Variants in KCTD8 observed in about 807,000 individuals in gnomAD.
KCTD8 encodes potassium channel tetramerization domain containing 8.
In KCTD8, 27 loss-of-function variants were observed where a neutral mutation model predicts 31.5. That is an observed-to-expected ratio of 0.86 (90% CI 0.63 to 1.18). The LOEUF (loss-of-function observed/expected upper bound fraction) is 1.18, where lower values mean the gene tolerates loss of function less well. Ranked by LOEUF, KCTD8 falls within the 50% of genes most tolerant of loss-of-function variation. The pLI is 0.00. For synonymous variants in KCTD8, 290 were observed against 280.0 expected, an observed-to-expected ratio of 1.04 and a Z score of -0.36; for missense variants, 658 against 647.7, an observed-to-expected ratio of 1.02 and a Z score of -0.17.
rs191116080 is a variant in KCTD8 at position 44,225,796 on chromosome 4, C to T, written c.962-50546G>A. ...TGGTGGTTTGCTGCACCTATCAACCCGTCACCTAGGTTTTGTCTCTTTTTT... is the reference window on the plus strand; with the variant it reads ...TGGTGGTTTGCTGCACCTATCAACCTGTCACCTAGGTTTTGTCTCTTTTTT... On this transcript the variant is annotated intron_variant, in intron 1 of 1. Transcript: ENST00000360029. Among the ~76,000 whole-genome samples the T allele has an allele frequency of 9.4e-5, 14 of 149,122 alleles. No individual in the cohort carries two copies. The East Asian group carries it at 2.5e-3, about 27-fold the overall frequency.
At chr4:44,179,233 T>C (rs948712479) in intron 1 of KCTD8, among the ~76,000 whole-genome samples, 1 of 151,992 alleles carries the variant, frequency 6.6e-6, no homozygotes, top group Non-Finnish European at 1.5e-5. Flanking sequence ...TTCTCCTCCC[T>C]CTTGTCTTTC....
chr4:44,407,482 GT>G (rs1444661921), intron 1 of KCTD8, among the ~76,000 whole-genome samples: 1 of 151,470 alleles, frequency 6.6e-6, no homozygotes, highest in Non-Finnish European at 1.5e-5. Context: ...CACCTCCCAG[GT>G]TCAAGAGATT....
chr4:44,429,748 T>G (rs955857022), intron 1 of KCTD8, among the ~76,000 whole-genome samples: 1 of 151,630 alleles, frequency 6.6e-6, no homozygotes, highest in African/African-American at 2.4e-5. Context: ...ATAAAAGGAA[T>G]AATCATTAAT....
chr4:44,225,815 C>CTTTTTTTTTTTTTTT (rs35751540), intron 1 of KCTD8, among the ~76,000 whole-genome samples: 1 of 74,450 alleles, frequency 1.3e-5, no homozygotes. Flanking sequence ...GGTTTTGTCT[C>CTTTTTTTTTTTTTTT]TTTTTTTTTT....
chr4:44,336,183 A>G (rs1158571191), intron 1 of KCTD8, among the ~76,000 whole-genome samples: 1 of 149,522 alleles, frequency 6.7e-6, no homozygotes, highest in African/African-American at 2.4e-5. Context: ...AAAAGAAAAA[A>G]TATAAAATTT....
At chr4:44,335,159 T>C (rs1653542988) in intron 1 of KCTD8, among the ~76,000 whole-genome samples, 1 of 152,142 alleles carries the variant, frequency 6.6e-6, no homozygotes, top group South Asian at 2.1e-4. Context: ...ATTATGATAC[T>C]ATGCACCAGT....
At chr4:44,185,714 T>C (rs1713565981) in intron 1 of KCTD8, among the ~76,000 whole-genome samples, 1 of 152,182 alleles carries the variant, frequency 6.6e-6, no homozygotes, top group African/African-American at 2.4e-5. Flanking sequence ...CTTCTCATTA[T>C]CATATTTGGA....
intron 1 of KCTD8, among the ~76,000 whole-genome samples, chr4:44,196,569 T>TA (rs1459242505): frequency 6.6e-6 from 1 of 152,048 alleles, no homozygotes; most frequent in African/African-American, 2.4e-5. Context: ...GTGAATTGTC[T>TA]AAAAAACCAT....
At chr4:44,328,792 A>C (rs561928593) in intron 1 of KCTD8, among the ~76,000 whole-genome samples, 1 of 151,960 alleles carries the variant, frequency 6.6e-6, no homozygotes, top group Non-Finnish European at 1.5e-5. Flanking sequence ...AAATCCATTA[A>C]TCTATTAAAA....
At chr4:44,203,582 A>C (rs1714215395) in intron 1 of KCTD8, among the ~76,000 whole-genome samples, 1 of 151,682 alleles carries the variant, frequency 6.6e-6, no homozygotes. Context: ...AAATAGAGCA[A>C]AGTAACACAA....
intron 1 of KCTD8, among the ~76,000 whole-genome samples, chr4:44,268,046 A>T (rs997481907): frequency 6.6e-6 from 1 of 152,274 alleles, no homozygotes. Flanking sequence ...CATTTTATGA[A>T]GCCAGCATCA....
At chr4:44,305,241 G>A (rs1717766405) in intron 1 of KCTD8, among the ~76,000 whole-genome samples, 1 of 151,328 alleles carries the variant, frequency 6.6e-6, no homozygotes, top group Admixed American at 6.6e-5. Context: ...ATACGTGATA[G>A]ATATAAGTAT....
At chr4:44,343,771 C>G (rs946980327) in intron 1 of KCTD8, among the ~76,000 whole-genome samples, 1 of 152,052 alleles carries the variant, frequency 6.6e-6, no homozygotes, top group African/African-American at 2.4e-5. Context: ...TAAACTGTAA[C>G]AAAAAATGTT....
chr4:44,280,409 C>T (rs1716874771), intron 1 of KCTD8, among the ~76,000 whole-genome samples: 1 of 152,066 alleles, frequency 6.6e-6, no homozygotes, highest in Admixed American at 6.6e-5. Context: ...AAACACTCAG[C>T]TTTTCTATCA....
intron 1 of KCTD8, among the ~76,000 whole-genome samples, chr4:44,432,853 A>G (rs377056576): frequency 1.8e-4 from 28 of 151,864 alleles, no homozygotes; most frequent in African/African-American, 6.5e-4. Context: ...GTCTTAATCT[A>G]CAATCAACTC....
chr4:44,186,636 T>C (rs1034178269), intron 1 of KCTD8, among the ~76,000 whole-genome samples: 2 of 152,208 alleles, frequency 1.3e-5, no homozygotes, highest in African/African-American at 4.8e-5. Flanking sequence ...CCCCACGACC[T>C]GCCCGTCTGC....
chr4:44,215,998 T>C (rs566950531), intron 1 of KCTD8, among the ~76,000 whole-genome samples: 2 of 152,262 alleles, frequency 1.3e-5, no homozygotes, highest in African/African-American at 2.4e-5. Flanking sequence ...AAAGGCACTT[T>C]AAAATTTTAT....
intron 1 of KCTD8, among the ~76,000 whole-genome samples, chr4:44,237,586 G>A (rs1715330194): frequency 1.3e-5 from 2 of 152,160 alleles, no homozygotes; most frequent in Admixed American, 1.3e-4. Flanking sequence ...ATCTCCATCT[G>A]TTTAACTCAC....
chr4:44,345,947 T>C (rs1222376313), intron 1 of KCTD8, among the ~76,000 whole-genome samples: 7 of 150,702 alleles, frequency 4.6e-5, no homozygotes, highest in African/African-American at 1.7e-4. Context: ...AAAAACCACA[T>C]ACAATGAAAG....
Sources: gnomAD v4.1 joint callset for allele counts (sites outside exome capture counted in the v4.1 genomes callset) on GRCh38, gnomAD v4.1.1 for gene constraint, MANE v1.5 for transcripts, NCBI Gene and HGNC (gene_info 2026-07-23, HGNC 2026-07-21) for gene names.